Variants in EFCAB6 observed in about 807,000 individuals in gnomAD.
EFCAB6 encodes EF-hand calcium-binding domain-containing protein 6.
A neutral mutation model predicts 169.8 loss-of-function variants in EFCAB6; 156 were observed. The ratio of observed to expected loss-of-function variants is 0.92; its 90% CI spans 0.81 to 1.05. The LOEUF (loss-of-function observed/expected upper bound fraction) is 1.05. EFCAB6 is among the 50% of genes least tolerant of loss of function. The pLI is 0.00. For missense variants in EFCAB6, 1,800 were observed against 1,829.1 expected (o/e 0.98, Z 0.29); for synonymous variants, 698 against 676.4 (o/e 1.03, Z -0.50).
intron 7 of EFCAB6, among the ~76,000 whole-genome samples, chr22:43,733,603 T>C (rs961047762): frequency 2.0e-5 from 3 of 152,186 alleles, no homozygotes; most frequent in Non-Finnish European, 4.4e-5. Context: ...TTTATGATGA[T>C]GAGATGGTCA....
intron 26 of EFCAB6, among the ~76,000 whole-genome samples, chr22:43,575,057 C>T (rs2050149200): frequency 6.6e-6 from 1 of 152,170 alleles, no homozygotes; most frequent in African/African-American, 2.4e-5. Flanking sequence ...AGAAGGGTGA[C>T]TGGTGCTTTG....
At chr22:43,610,483 C>A (rs760132573) in intron 21 of EFCAB6, among the ~76,000 whole-genome samples, 2 of 152,206 alleles carry the variant, frequency 1.3e-5, no homozygotes, top group Admixed American at 6.5e-5. Flanking sequence ...GATACTATTA[C>A]ATATCCACTA....
At chr22:43,696,045 T>A (rs1281903165) in intron 10 of EFCAB6, among the ~76,000 whole-genome samples, 2 of 152,040 alleles carry the variant, frequency 1.3e-5, no homozygotes, top group Non-Finnish European at 2.9e-5. Context: ...AGGGAAAATA[T>A]CTGAAAACAT....
chr22:43,788,550 G>C (rs1449881044), intron 2 of EFCAB6, among the ~76,000 whole-genome samples: 2 of 152,130 alleles, frequency 1.3e-5, no homozygotes, highest in Non-Finnish European at 2.9e-5. Context: ...ACATTCATTA[G>C]CAAGGCTATA....
In EFCAB6 at chr22:43,687,599, A is replaced by G; in HGVS notation, c.1032-18T>C. 1 of 1,462,188 alleles carries G rather than the reference A, an allele frequency of 6.8e-7. No individual in the cohort carries two copies. The highest frequency in any genetic ancestry group is 9.4e-7 in the Non-Finnish European group (1 of 1,059,552). 90.6% of individuals were successfully genotyped at this position (1,462,188 alleles called of 1,614,324 possible). Reference sequence around the variant, plus strand: ...GTCCAAATCTGGATTTAAAAGTAACAACAAAAAACATTACTTTAAACATTT... The same window carrying G: ...GTCCAAATCTGGATTTAAAAGTAACGACAAAAAACATTACTTTAAACATTT... On this transcript the variant is annotated intron_variant, in intron 10 of 31. Coordinates refer to ENST00000262726, the MANE Select transcript of EFCAB6 (RefSeq NM_022785.4).
chr22:43,617,670 C>T (rs1011964993), intron 20 of EFCAB6, among the ~76,000 whole-genome samples: 5 of 152,158 alleles, frequency 3.3e-5, no homozygotes, highest in African/African-American at 9.7e-5. Flanking sequence ...TCAGTCAGCT[C>T]GTTAGTCACA....
intron 26 of EFCAB6, among the ~76,000 whole-genome samples, chr22:43,561,601 A>G (rs2049042023): frequency 6.6e-6 from 1 of 152,064 alleles, no homozygotes; most frequent in Non-Finnish European, 1.5e-5. Context: ...CATCAAGGGC[A>G]TTTTGGCTGA....
At chr22:43,656,305 G>A (rs1441216210) in intron 17 of EFCAB6, among the ~76,000 whole-genome samples, 8 of 151,864 alleles carry the variant, frequency 5.3e-5, no homozygotes, top group African/African-American at 1.7e-4. Flanking sequence ...CAGGAGAATC[G>A]CTTAAACCCA....
At chr22:43,576,107 C>CA (rs1041284146) in intron 26 of EFCAB6, among the ~76,000 whole-genome samples, 190 bp downstream of exon 26, 15 of 152,106 alleles carry the variant, frequency 9.9e-5, no homozygotes, top group African/African-American at 3.6e-4. Context: ...AAATTTCCAA[C>CA]AAAGTAAAGG....
At chr22:43,665,084 G>A (rs1411205539) in intron 17 of EFCAB6, among the ~76,000 whole-genome samples, 1 of 152,148 alleles carries the variant, frequency 6.6e-6, no homozygotes, top group Admixed American at 6.5e-5. Flanking sequence ...TTAGGCCTGA[G>A]CAACTGGGAA....
In EFCAB6 at chr22:43,558,026, T is replaced by C. The variant is rs139859413; in HGVS notation, c.3421-2930A>G. ...TGTAAACATGAGTATTAATCAAAAA[T>C]TATCTGTAAAGATTATATTAAATGG... On this transcript the variant is annotated intron_variant, in intron 26 of 31. Transcript: ENST00000262726. 5.2e-3 allele frequency among the ~76,000 whole-genome samples: 791 copies of C among 152,322 alleles called. 4 individuals carry two copies. The highest frequency in any genetic ancestry group is 0.041 in the Middle Eastern group (12 of 294).
At chr22:43,542,952 G>C (rs766659086) in intron 27 of EFCAB6, among the ~76,000 whole-genome samples, 1 of 152,114 alleles carries the variant, frequency 6.6e-6, no homozygotes, top group Non-Finnish European at 1.5e-5. Context: ...CAATCATCCC[G>C]TCTCCTTGAG....
At chr22:43,723,841 G>A (rs1460089432) in intron 8 of EFCAB6, among the ~76,000 whole-genome samples, 1 of 152,248 alleles carries the variant, frequency 6.6e-6, no homozygotes, top group Non-Finnish European at 1.5e-5. Context: ...GCACCGGAAT[G>A]TGGGGGCAGA....
chr22:43,556,968 T>C (rs1023560589), intron 26 of EFCAB6, among the ~76,000 whole-genome samples: 1 of 152,254 alleles, frequency 6.6e-6, no homozygotes, highest in African/African-American at 2.4e-5. Flanking sequence ...CTAAGGGATG[T>C]TGGCATCAAC....
intron 21 of EFCAB6, among the ~76,000 whole-genome samples, chr22:43,612,446 G>C (rs79167585): frequency 3.3e-5 from 5 of 152,208 alleles, no homozygotes; most frequent in African/African-American, 1.2e-4. Flanking sequence ...CAACCCCATT[G>C]AAAAGTGGGC....
At chr22:43,578,188 T>C (rs563006686) in intron 25 of EFCAB6, among the ~76,000 whole-genome samples, 17 of 152,170 alleles carry the variant, frequency 1.1e-4, no homozygotes, top group Non-Finnish European at 1.8e-4. Flanking sequence ...GGCAGGTTTA[T>C]TCACGCTGAG....
intron 2 of EFCAB6, among the ~76,000 whole-genome samples, chr22:43,791,710 G>A (rs1394273599): frequency 6.6e-6 from 1 of 152,060 alleles, no homozygotes; most frequent in African/African-American, 2.4e-5. Context: ...GAATGGTGGG[G>A]GAAAACCTGT....
chr22:43,624,738 A>G (rs954863174), intron 20 of EFCAB6, among the ~76,000 whole-genome samples: 12 of 152,218 alleles, frequency 7.9e-5, no homozygotes, highest in African/African-American at 2.9e-4. Flanking sequence ...CAAAAGGAGC[A>G]TCTGGGTCTT....
intron 8 of EFCAB6, among the ~76,000 whole-genome samples, chr22:43,724,554 G>C (rs2059655762): frequency 6.6e-6 from 1 of 151,786 alleles, no homozygotes; most frequent in Non-Finnish European, 1.5e-5. Flanking sequence ...ATTTTTAGTA[G>C]AGACAGGGTT....
Sources: gnomAD v4.1 joint callset for allele counts (sites outside exome capture counted in the v4.1 genomes callset) on GRCh38, gnomAD v4.1.1 for gene constraint, MANE v1.5 for transcripts, NCBI Gene and HGNC (gene_info 2026-07-23, HGNC 2026-07-21) for gene names.